Variants in SLC44A1 observed in about 807,000 individuals in gnomAD.
The protein encoded by SLC44A1 is solute carrier family 44 member 1, also known as choline transporter-like protein 1.
Under a neutral mutation model 79.3 loss-of-function variants are expected in SLC44A1, and 26 were observed. The observed-to-expected ratio is 0.33, with a 90% CI of 0.24 to 0.46. The LOEUF (loss-of-function observed/expected upper bound fraction) is 0.46, where lower values mean the gene tolerates loss of function less well. Among genes scored for constraint, SLC44A1 ranks in the 20% least tolerant of loss-of-function variants. The pLI is 1.00. For synonymous variants in SLC44A1, 263 were observed against 286.2 expected, an observed-to-expected ratio of 0.92 and a Z score of 0.82; for missense variants, 688 against 798.1, an observed-to-expected ratio of 0.86 and a Z score of 1.66.
intron 1 of SLC44A1, among the ~76,000 whole-genome samples, chr9:105,257,418 G>T (rs1829737612): frequency 6.6e-6 from 1 of 151,972 alleles, no homozygotes; most frequent in Non-Finnish European, 1.5e-5. Context: ...TAGAGACGAG[G>T]TCTTGTCTCC....
chr9:105,312,307 C>T (rs944355351), intron 3 of SLC44A1, among the ~76,000 whole-genome samples: 1 of 152,132 alleles, frequency 6.6e-6, no homozygotes, highest in Non-Finnish European at 1.5e-5. Context: ...TCTTTTTGTT[C>T]TCATAATTTA....
intron 1 of SLC44A1, among the ~76,000 whole-genome samples, chr9:105,245,820 G>T (rs1829429228): frequency 6.6e-6 from 1 of 152,206 alleles, no homozygotes; most frequent in Non-Finnish European, 1.5e-5. Flanking sequence ...CTTAACCTGG[G>T]TGGAAATGTT....
intron 4 of SLC44A1, among the ~76,000 whole-genome samples, chr9:105,337,310 C>T (rs1359641918): frequency 1.3e-5 from 2 of 152,166 alleles, no homozygotes; most frequent in Admixed American, 6.5e-5. Context: ...TACTTGACTT[C>T]TCCTTGCCTC....
At position 105,301,504 on chromosome 9, in the gene SLC44A1, A is replaced by G. The variant is rs552561593; in HGVS notation, c.126+2195A>G. ...ATCTCAAAGTTCTATTCCTTGGCACAACAGAGATTCAGCATTTTTTGGCTT... is the reference window on the plus strand; with the variant it reads ...ATCTCAAAGTTCTATTCCTTGGCACGACAGAGATTCAGCATTTTTTGGCTT... On this transcript the variant is annotated intron_variant, in intron 2 of 15. Transcript: ENST00000374720. 3.9e-5 allele frequency among the ~76,000 whole-genome samples: 6 copies of G among 152,350 alleles called. 1 individual carries two copies. The South Asian group carries it at 1.2e-3, about 32-fold the overall frequency.
Position 105,396,192 on chromosome 9 carries a change from T to TG in SLC44A1, c.*7136_*7137insG, listed in dbSNP as rs1449570416. On this transcript the variant is annotated 3_prime_UTR_variant, in exon 16 of 16. Transcript: ENST00000374720. ...TTCTGACTTCTTCCCTATAAAAAGA[T>TG]ACTGAGAGCTCCATAATGAAAGAAG... 1.0e-6 allele frequency: 1 copy of TG among 985,186 alleles called. No homozygotes were observed. The highest frequency in any genetic ancestry group is 1.1e-4 in the East Asian group (1 of 8,838). The allele number at this position is 985,186 out of a possible 1,614,324, so 61.0% of individuals were successfully genotyped here.
rs751600225 is a variant in SLC44A1 at position 105,361,237 on chromosome 9, T to C, written c.807T>C (p.Ser269=). 1.2e-6 allele frequency: 2 copies of C among 1,614,074 alleles called. No homozygotes were observed. The highest frequency in any genetic ancestry group is 1.7e-6 in the Non-Finnish European group (2 of 1,179,950). ...LWWLYAKQRR[S]PKETVTPEQL... ...GGCTGTATGCAAAGCAAAGAAGGTC[T>C]CCCAAAGAAACTGTTACTCCTGAGC... Residue 269 remains serine (S), a synonymous_variant, in exon 8 of 16, where the codon TCT becomes TCC. Coordinates refer to ENST00000374720, the MANE Select transcript of SLC44A1 (RefSeq NM_080546.5).
chr9:105,281,841 T>C (rs1382857618), intron 1 of SLC44A1, among the ~76,000 whole-genome samples: 1 of 152,188 alleles, frequency 6.6e-6, no homozygotes, highest in African/African-American at 2.4e-5. Flanking sequence ...ATGAAGACTT[T>C]GTGAATTTGG....
At chr9:105,354,755 T>C (rs1350714789) in intron 5 of SLC44A1, among the ~76,000 whole-genome samples, 2 of 152,272 alleles carry the variant, frequency 1.3e-5, no homozygotes, top group African/African-American at 4.8e-5. Context: ...TGTTACTTTT[T>C]CTTACCATCA....
intron 15 of SLC44A1, among the ~76,000 whole-genome samples, chr9:105,435,033 G>C (rs1489119002): frequency 1.3e-5 from 2 of 152,124 alleles, no homozygotes; most frequent in East Asian, 1.9e-4. Context: ...TGTAGCCCCA[G>C]CTACTCAGAA....
chr9:105,265,936 T>C (rs1829951181), intron 1 of SLC44A1, among the ~76,000 whole-genome samples: 1 of 151,464 alleles, frequency 6.6e-6, no homozygotes, highest in African/African-American at 2.5e-5. Flanking sequence ...TCTTTCGAAT[T>C]ATTGCTCTCT....
intron 3 of SLC44A1, among the ~76,000 whole-genome samples, chr9:105,319,433 A>ATG (rs980126113): frequency 6.6e-6 from 1 of 152,124 alleles, no homozygotes; most frequent in African/African-American, 2.4e-5. Context: ...GTGTGTGACA[A>ATG]TACACAGAGT....
chr9:105,346,195 A>G (rs1041519434), intron 4 of SLC44A1, among the ~76,000 whole-genome samples: 3 of 152,176 alleles, frequency 2.0e-5, no homozygotes, highest in Non-Finnish European at 4.4e-5. Context: ...AACACATTGT[A>G]AAGATCTTTT....
rs1209748864 is a variant in SLC44A1 at position 105,393,029 on chromosome 9, T to A, written c.*3973T>A. 3.0e-6 allele frequency: 3 copies of A among 985,108 alleles called. No individual in the cohort carries two copies. Among genetic ancestry groups the A allele is most frequent in the African/African-American group, 1.7e-5 (1 of 57,230 alleles). The allele number at this position is 985,108 out of a possible 1,614,324, so 61.0% of individuals were successfully genotyped here. A position where few individuals can be genotyped will look rare whatever the true frequency, so the allele number is the denominator to read the frequency against. Reference sequence around the variant, plus strand: ...TATCAGTGCACCTGCCACAGTTAATTTCTGTATTCTTTTCATACATTCCAT... The same window carrying A: ...TATCAGTGCACCTGCCACAGTTAATATCTGTATTCTTTTCATACATTCCAT... On this transcript the variant is annotated 3_prime_UTR_variant, in exon 16 of 16. Transcript: ENST00000374720.
At chr9:105,290,782 C>T (rs1588740669) in intron 1 of SLC44A1, among the ~76,000 whole-genome samples, 1 of 152,196 alleles carries the variant, frequency 6.6e-6, no homozygotes, top group East Asian at 1.9e-4. Context: ...GTTGCCATTT[C>T]CCCCTTTCTC....
intron 3 of SLC44A1, among the ~76,000 whole-genome samples, chr9:105,319,431 C>T (rs927961634): frequency 6.6e-6 from 1 of 152,116 alleles, no homozygotes; most frequent in Non-Finnish European, 1.5e-5. Flanking sequence ...CAGTGTGTGA[C>T]AATACACAGA....
intron 5 of SLC44A1, 105 bp from the exon 6 acceptor site, chr9:105,356,107 T>G (rs1588826134): frequency 1.2e-6 from 1 of 810,812 alleles, no homozygotes; most frequent in Non-Finnish European, 2.1e-6. Flanking sequence ...GTGTGGAGGG[T>G]GGAGTGTATT....
intron 3 of SLC44A1, among the ~76,000 whole-genome samples, chr9:105,323,437 A>C (rs1826464003): frequency 6.6e-6 from 1 of 152,160 alleles, no homozygotes; most frequent in South Asian, 2.1e-4. Flanking sequence ...AAATAACAAC[A>C]GTAATGTTTG....
chr9:105,393,676 G>A lies in SLC44A1; in HGVS notation c.*4620G>A, dbSNP rs868294664. The A allele has an allele frequency of 1.0e-6, 1 of 984,586 alleles. No homozygotes were observed. The highest frequency in any genetic ancestry group is 1.7e-5 in the African/African-American group (1 of 57,316). 61.0% of individuals were successfully genotyped at this position (984,586 alleles called of 1,614,324 possible). ...TTTTGTACATGTAAAGACAAATGAT[G>A]ATTCAGTTTCAATATTGCATGAACA... On this transcript the variant is annotated 3_prime_UTR_variant, in exon 16 of 16. Transcript: ENST00000374720.
At chr9:105,343,744 A>T (rs1827169189) in intron 4 of SLC44A1, among the ~76,000 whole-genome samples, 1 of 151,956 alleles carries the variant, frequency 6.6e-6, no homozygotes, top group African/African-American at 2.4e-5. Context: ...TTAAGTATGC[A>T]TCAGATACAA....
Sources: gnomAD v4.1 joint callset for allele counts (sites outside exome capture counted in the v4.1 genomes callset) on GRCh38, gnomAD v4.1.1 for gene constraint, MANE v1.5 for transcripts, NCBI Gene and HGNC (gene_info 2026-07-23, HGNC 2026-07-21) for gene names.